DENND2A: variants seen among roughly 807,000 people sequenced by gnomAD.
DENND2A encodes DENN domain-containing protein 2A.
In DENND2A, 53 loss-of-function variants were observed where a neutral mutation model predicts 105.3. That is an observed-to-expected ratio of 0.50 (90% CI 0.40 to 0.63). The LOEUF (loss-of-function observed/expected upper bound fraction) is 0.63, where lower values mean the gene tolerates loss of function less well. DENND2A is among the 30% of genes least tolerant of loss of function. The probability of loss-of-function intolerance (pLI) is 0.00; values close to 1 mark genes in which losing one functional copy is unlikely to be tolerated. For synonymous variants in DENND2A, 522 were observed against 508.4 expected, an observed-to-expected ratio of 1.03 and a Z score of -0.36; for missense variants, 1,138 against 1,279.6, an observed-to-expected ratio of 0.89 and a Z score of 1.69.
At chr7:140,551,118 T>C (rs905704233) in intron 12 of DENND2A, among the ~76,000 whole-genome samples, 1 of 151,078 alleles carries the variant, frequency 6.6e-6, no homozygotes, top group Non-Finnish European at 1.5e-5. Flanking sequence ...CTGGCCAACA[T>C]GGTGAAATCC....
intron 3 of DENND2A, among the ~76,000 whole-genome samples, chr7:140,592,956 C>T (rs1799124731): frequency 6.6e-6 from 1 of 152,186 alleles, no homozygotes; most frequent in South Asian, 2.1e-4. Flanking sequence ...CAGTCCTCCC[C>T]TTCTGAGGTT....
chr7:140,614,818 C>T (rs1285936070), intron 1 of DENND2A, among the ~76,000 whole-genome samples: 2 of 152,200 alleles, frequency 1.3e-5, no homozygotes, highest in Non-Finnish European at 2.9e-5. Flanking sequence ...CATAGTGCAG[C>T]TCATTCTGGA....
chr7:140,523,516 T>C lies in DENND2A; in HGVS notation c.2548-92A>G. 9.3e-7 allele frequency: 1 copy of C among 1,072,768 alleles called. No homozygotes were observed. The highest frequency in any genetic ancestry group is 2.4e-5 in the East Asian group (1 of 41,202). 66.5% of individuals were successfully genotyped at this position (1,072,768 alleles called of 1,614,324 possible). Reference sequence around the variant, plus strand: ...GGAGCCACTGCAGGGCAGGCCTGGCTCAGTCTCCAGTTTCATGGAAGGAAT... The same window carrying C: ...GGAGCCACTGCAGGGCAGGCCTGGCCCAGTCTCCAGTTTCATGGAAGGAAT... On this transcript the variant is annotated intron_variant, in intron 16 of 19. Coordinates refer to ENST00000496613, the MANE Select transcript of DENND2A (RefSeq NM_015689.5). This position sits in a 1 kb window ranked among gnomAD's most constrained non-coding sequence, Gnocchi z 4.5.
In DENND2A at chr7:140,569,705, G is replaced by A. The variant is rs1275845812; in HGVS notation, c.1480C>T (p.Arg494Trp). 5.0e-6 allele frequency: 8 copies of A among 1,613,742 alleles called. No individual in the cohort carries two copies. Among genetic ancestry groups the A allele is most frequent in the Middle Eastern group, 1.6e-4 (1 of 6,062 alleles). The change falls in exon 7 of 20, where the codon CGG becomes TGG. Residue 494 changes from arginine to tryptophan, a missense_variant. Arg to Trp is a moderately radical substitution (Grantham distance 101). Transcript: ENST00000496613. Reference protein sequence around the residue: ...VLRINAIYEVRRGKKRVKRLS... With the variant: ...VLRINAIYEVWRGKKRVKRLS... ...CTCTTCACCCGTTTCTTTCCTCTCC[G>A]GACCTCATAAATGGCGTTGATTCGC...
In DENND2A at chr7:140,546,681, T is replaced by C. The variant is rs1440739801; in HGVS notation, c.2178+118A>G. 18 of 1,298,384 alleles carry C rather than the reference T, an allele frequency of 1.4e-5. No individual in the cohort carries two copies. The East Asian group carries it at 4.3e-4, about 31-fold the overall frequency. The allele number at this position is 1,298,384 out of a possible 1,614,324, so 80.4% of individuals were successfully genotyped here. A position where few individuals can be genotyped will look rare whatever the true frequency, so the allele number is the denominator to read the frequency against. ...GAGTGATCTGGGCCAGCTCTAGGGG[T>C]GGGGAGAAGACACCAAGGAATTGGA... On this transcript the variant is annotated intron_variant, in intron 13 of 19. Coordinates refer to ENST00000496613, the MANE Select transcript of DENND2A (RefSeq NM_015689.5).
At chr7:140,578,147 A>C (rs1353785525) in intron 5 of DENND2A, among the ~76,000 whole-genome samples, 1 of 152,054 alleles carries the variant, frequency 6.6e-6, no homozygotes, top group African/African-American at 2.4e-5. Context: ...AGAGACAAGA[A>C]CCCTGATGGT....
chr7:140,569,267 G>C (rs1216513735), intron 7 of DENND2A, among the ~76,000 whole-genome samples: 1 of 152,096 alleles, frequency 6.6e-6, no homozygotes, highest in Non-Finnish European at 1.5e-5. Context: ...ACCACGTCTC[G>C]TCCAACTCGA....
intron 4 of DENND2A, among the ~76,000 whole-genome samples, 153 bp from the exon 5 acceptor site, chr7:140,585,863 T>C (rs73498497): frequency 0.12 from 17,890 of 152,152 alleles, 2,934 homozygotes; most frequent in African/African-American, 0.37. Context: ...TTGGCAGCAG[T>C]CTCTGATTTC....
intron 3 of DENND2A, among the ~76,000 whole-genome samples, chr7:140,597,453 A>C (rs1186352114): frequency 6.6e-6 from 1 of 152,212 alleles, no homozygotes; most frequent in African/African-American, 2.4e-5. Context: ...AAGAGTAGAA[A>C]GTGAATATCT....
intron 6 of DENND2A, among the ~76,000 whole-genome samples, chr7:140,572,938 G>T (rs1320507334): frequency 1.3e-5 from 2 of 152,030 alleles, no homozygotes; most frequent in Non-Finnish European, 2.9e-5. Flanking sequence ...TGTAAAAGAG[G>T]CCCTCCTTAT....
chr7:140,626,889 G>A (rs1463707460), intron 1 of DENND2A, among the ~76,000 whole-genome samples: 1 of 152,188 alleles, frequency 6.6e-6, no homozygotes, highest in Admixed American at 6.5e-5. Flanking sequence ...TTATCATAAG[G>A]ATTAAAAGCA....
At chr7:140,580,306 T>TATGTATGCATGTATGCATGTATGC (rs113910778) in intron 5 of DENND2A, among the ~76,000 whole-genome samples, 32 of 151,784 alleles carry the variant, frequency 2.1e-4, no homozygotes, top group East Asian at 5.8e-4. Context: ...TGTATGCATG[T>TATGTATGCATGTATGCATGTATGC]ATGTATGCAT....
chr7:140,585,764 T>C, intron 4 of DENND2A, 54 bp from the exon 5 acceptor site: 1 of 1,611,824 alleles, frequency 6.2e-7, no homozygotes, highest in Non-Finnish European at 8.5e-7. Context: ...ACATTTCCCT[T>C]TTCAAAACAC....
rs1159885219 is a variant in DENND2A, at chr7:140,567,076, AC to A, written c.1779+9del. ...CCTGGCAGGCCACAGGGACCTGGCC[AC>A]CCTGTTACCTTCAGAGGGAACTGTT... On this transcript the variant is annotated intron_variant, in intron 9 of 19. Coordinates refer to ENST00000496613, the MANE Select transcript of DENND2A (RefSeq NM_015689.5). 3 of 1,569,026 alleles carry A rather than the reference AC, an allele frequency of 1.9e-6. No homozygotes were observed. The highest frequency in any genetic ancestry group is 2.6e-6 in the Non-Finnish European group (3 of 1,155,144).
intron 2 of DENND2A, 113 bp downstream of exon 2, chr7:140,605,592 T>C (rs750318207): frequency 3.3e-5 from 5 of 152,198 alleles, no homozygotes; most frequent in Non-Finnish European, 4.4e-5. Flanking sequence ...CTCATTAGAA[T>C]GACCTGGAAA....
chr7:140,518,430 A>C lies in DENND2A; in HGVS notation c.*277T>G. The C allele has an allele frequency of 2.7e-6, 1 of 367,356 alleles. No individual in the cohort carries two copies. The highest frequency in any genetic ancestry group is 4.9e-6 in the Non-Finnish European group (1 of 205,976). The allele number at this position is 367,356 out of a possible 1,614,324, so 22.8% of individuals were successfully genotyped here. On this transcript the variant is annotated 3_prime_UTR_variant, in exon 20 of 20. Transcript: ENST00000496613. ...AACAGAAAACCCACACATTTTTCTT[A>C]CTTTTAATATCTAAGATAAAAAAAA...
intron 3 of DENND2A, among the ~76,000 whole-genome samples, chr7:140,600,683 G>T (rs979390377): frequency 1.3e-5 from 2 of 152,142 alleles, no homozygotes; most frequent in Admixed American, 6.6e-5. Flanking sequence ...GCTCAATGGG[G>T]TGGGTCAAGA....
At chr7:140,554,282 G>C (rs1797270926) in intron 12 of DENND2A, among the ~76,000 whole-genome samples, 1 of 152,024 alleles carries the variant, frequency 6.6e-6, no homozygotes, top group Non-Finnish European at 1.5e-5. Flanking sequence ...CGTAGGTGCA[G>C]GAACTTCAAT....
Sources: allele counts gnomAD v4.1 joint callset (sites outside exome capture counted in the v4.1 genomes callset), GRCh38; gene constraint gnomAD v4.1.1; non-coding constraint Gnocchi (gnomAD v3.1); transcripts MANE v1.5; gene names NCBI Gene and HGNC (gene_info 2026-07-23, HGNC 2026-07-21).